TRPC5: variants seen among roughly 807,000 people sequenced by gnomAD.
The protein encoded by TRPC5 is short transient receptor potential channel 5.
TRPC5 carries 9 observed loss-of-function variants against 56.5 expected under a neutral mutation model. The ratio of observed to expected loss-of-function variants is 0.16; its 90% CI spans 0.10 to 0.28. The LOEUF (loss-of-function observed/expected upper bound fraction) is 0.28. TRPC5 is among the 10% of genes least tolerant of loss of function. The pLI is 1.00. For missense variants in TRPC5, 469 were observed against 748.9 expected (o/e 0.63, Z 4.36); for synonymous variants, 282 against 278.5 (o/e 1.01, Z -0.13).
intron 1 of TRPC5, among the ~76,000 whole-genome samples, chrX:111,971,953 C>T (rs1927797203): frequency 8.9e-6 from 1 of 111,988 alleles, no homozygotes; most frequent in South Asian, 3.8e-4. Context: ...CTCTGCTCAA[C>T]ACGTTTTTCA....
At chrX:112,079,967 G>A (rs1178654083) in intron 1 of TRPC5, among the ~76,000 whole-genome samples, 1 of 111,582 alleles carries the variant, frequency 9.0e-6, no homozygotes, top group Non-Finnish European at 1.9e-5. Context: ...CTGATATTTT[G>A]AGTTTTTCCC....
intron 1 of TRPC5, among the ~76,000 whole-genome samples, chrX:112,080,564 A>C (rs1391482416): frequency 1.8e-5 from 2 of 110,539 alleles, no homozygotes; most frequent in African/African-American, 6.6e-5. Flanking sequence ...AGCTTCAGAG[A>C]CTCCTTGACC....
rs182354771 is a variant in TRPC5, at chrX:111,768,483, G to T, written c.*7830C>A. Among the ~76,000 whole-genome samples the T allele has an allele frequency of 1.8e-5, 2 of 111,892 alleles. No homozygotes were observed. The highest frequency in any genetic ancestry group is 6.5e-5 in the African/African-American group (2 of 30,894). On this transcript the variant is annotated 3_prime_UTR_variant, in exon 11 of 11. Transcript: ENST00000262839. The stretch of plus-strand genomic sequence containing the variant: ...AGAAATATGGAATAAATAGAATCCT[G>T]TGAAGAGTTTAACTATTGTTCTGTT...
intron 1 of TRPC5, among the ~76,000 whole-genome samples, chrX:111,960,222 G>C (rs1435103459): frequency 9.0e-6 from 1 of 111,300 alleles, no homozygotes; most frequent in African/African-American, 3.3e-5. Flanking sequence ...ATAATACAGG[G>C]GACTCTTTCA....
At chrX:111,825,138 CCTTCCTTCCTTTCTTTCTTT>C (rs1922156370) in intron 7 of TRPC5, among the ~76,000 whole-genome samples, 1 of 75,750 alleles carries the variant, frequency 1.3e-5, no homozygotes, top group Non-Finnish European at 2.2e-5. Context: ...TTCCTTCCTT[CCTTCCTTCCTTTCTTTCTTT>C]CTTTCTTTCT....
intron 3 of TRPC5, among the ~76,000 whole-genome samples, chrX:111,871,604 G>T (rs944008611): frequency 4.5e-5 from 5 of 111,784 alleles, no homozygotes; most frequent in African/African-American, 1.6e-4. Flanking sequence ...CAACTAGGAA[G>T]CCAGTGTTAT....
At chrX:111,785,446 A>T (rs1043602747) in intron 7 of TRPC5, among the ~76,000 whole-genome samples, 1 of 111,971 alleles carries the variant, frequency 8.9e-6, no homozygotes, top group African/African-American at 3.2e-5. Context: ...TAAAACCACA[A>T]AGATGGGGAG....
chrX:111,823,634 A>G (rs781548206), intron 7 of TRPC5, among the ~76,000 whole-genome samples: 1 of 111,155 alleles, frequency 9.0e-6, no homozygotes, highest in African/African-American at 3.3e-5. Flanking sequence ...TGCTGGACAC[A>G]CTAAAGAAGA....
chrX:111,878,719 G>A (rs757462855), intron 3 of TRPC5, among the ~76,000 whole-genome samples: 1 of 111,464 alleles, frequency 9.0e-6, no homozygotes, highest in Non-Finnish European at 1.9e-5. Flanking sequence ...GGGTGGTGGA[G>A]AGGGAAATCA....
intron 2 of TRPC5, among the ~76,000 whole-genome samples, chrX:111,916,051 G>C (rs1049049790): frequency 2.7e-5 from 3 of 111,417 alleles, no homozygotes; most frequent in Non-Finnish European, 3.8e-5. Flanking sequence ...CTTGAGCCTG[G>C]GAGGTCGAGG....
intron 7 of TRPC5, among the ~76,000 whole-genome samples, chrX:111,832,526 G>T (rs1922439666): frequency 8.9e-6 from 1 of 112,169 alleles, no homozygotes; most frequent in Non-Finnish European, 1.9e-5. Flanking sequence ...TGTTGCAAAT[G>T]AAATTAAATC....
At chrX:111,945,387 C>T (rs1926906391) in intron 2 of TRPC5, among the ~76,000 whole-genome samples, 1 of 109,754 alleles carries the variant, frequency 9.1e-6, no homozygotes, top group Admixed American at 9.9e-5. Flanking sequence ...AAATCTACCC[C>T]TAAGTAAACA....
intron 1 of TRPC5, among the ~76,000 whole-genome samples, chrX:111,966,787 T>A (rs1196213276): frequency 8.9e-6 from 1 of 112,420 alleles, no homozygotes; most frequent in Non-Finnish European, 1.9e-5. Flanking sequence ...CAACTCTTCA[T>A]GCTAAAAACT....
intron 1 of TRPC5, among the ~76,000 whole-genome samples, chrX:112,028,836 T>C (rs763853171): frequency 2.1e-4 from 24 of 112,197 alleles, no homozygotes; most frequent in African/African-American, 7.4e-4. Flanking sequence ...TTCTAGATCC[T>C]TGAGGAATCG....
At chrX:111,861,499 T>C (rs2148589692) in intron 3 of TRPC5, among the ~76,000 whole-genome samples, 1 of 111,874 alleles carries the variant, frequency 8.9e-6, no homozygotes, top group Non-Finnish European at 1.9e-5. Flanking sequence ...GAAAAACAAT[T>C]TTTAGTGTTT....
intron 1 of TRPC5, among the ~76,000 whole-genome samples, chrX:112,051,637 A>G (rs1857999448): frequency 2.7e-5 from 3 of 112,476 alleles, no homozygotes; most frequent in Admixed American, 1.9e-4. Context: ...GATAAAGTAC[A>G]CATCACATAA....
chrX:111,941,315 T>G (rs1163264325), intron 2 of TRPC5, among the ~76,000 whole-genome samples: 1 of 112,145 alleles, frequency 8.9e-6, no homozygotes, highest in Non-Finnish European at 1.9e-5. Context: ...AGGGAAAGAC[T>G]TTTTCCTGAA....
chrX:111,957,707 A>G (rs764559615), intron 1 of TRPC5, among the ~76,000 whole-genome samples: 1 of 112,265 alleles, frequency 8.9e-6, no homozygotes, highest in Non-Finnish European at 1.9e-5. Context: ...TTTCAGTTCA[A>G]TAAGTGCTTG....
At chrX:111,843,880 G>GTGTGTGTGTA (rs1922835547) in intron 6 of TRPC5, among the ~76,000 whole-genome samples, 3 of 95,130 alleles carry the variant, frequency 3.2e-5, no homozygotes, top group African/African-American at 1.3e-4. Flanking sequence ...ATGAGTGTGT[G>GTGTGTGTGTA]TGTGTGTGTG....
Sources: gnomAD v4.1 joint callset for allele counts (sites outside exome capture counted in the v4.1 genomes callset) on GRCh38, gnomAD v4.1.1 for gene constraint, MANE v1.5 for transcripts, NCBI Gene and HGNC (gene_info 2026-07-23, HGNC 2026-07-21) for gene names.